Variants in PTPRT observed in about 807,000 individuals in gnomAD.
The protein encoded by PTPRT is protein tyrosine phosphatase receptor type T, also known as receptor-type tyrosine-protein phosphatase T.
PTPRT carries 56 observed loss-of-function variants against 176.8 expected under a neutral mutation model. The observed-to-expected ratio is 0.32, with a 90% confidence interval of 0.26 to 0.40. PTPRT has a LOEUF of 0.40. PTPRT is among the 10% of genes least tolerant of loss of function. The pLI, the probability that PTPRT is intolerant of heterozygous loss-of-function variation, is 1.00. For missense variants in PTPRT, 1,540 were observed against 1,908.2 expected, an observed-to-expected ratio of 0.81 and a Z score of 3.60; for synonymous variants, 783 against 739.0, an observed-to-expected ratio of 1.06 and a Z score of -0.96.
chr20:43,069,250 C>T lies in PTPRT; in HGVS notation c.88+120396G>A, dbSNP rs201935500. 2.4e-4 allele frequency among the ~76,000 whole-genome samples: 37 copies of T among 152,290 alleles called. No homozygotes were observed. The East Asian group carries it at 6.0e-3, about 25-fold the overall frequency. On this transcript the variant is annotated intron_variant, in intron 1 of 30. Coordinates refer to ENST00000373187, the MANE Select transcript of PTPRT (RefSeq NM_007050.6). ...ACACCCAGCATATGCTTGGGTCCCT[C>T]GGTTAACGCGCGCATCCAGCTGGGA...
chr20:42,206,423 G>A (rs898733989), intron 15 of PTPRT, among the ~76,000 whole-genome samples: 9 of 152,298 alleles, frequency 5.9e-5, no homozygotes, highest in East Asian at 1.9e-4. Context: ...CAGTGGGTGC[G>A]CGCACCATGC....
chr20:42,230,964 T>TA (rs2056122172), intron 15 of PTPRT, among the ~76,000 whole-genome samples: 1 of 152,230 alleles, frequency 6.6e-6, no homozygotes, highest in South Asian at 2.1e-4. Flanking sequence ...CCTCTTGCTC[T>TA]AACCCTTTGG....
intron 2 of PTPRT, among the ~76,000 whole-genome samples, chr20:42,826,158 C>A (rs750205158): frequency 6.6e-6 from 1 of 152,036 alleles, no homozygotes; most frequent in Non-Finnish European, 1.5e-5. Flanking sequence ...GGCAAAACCA[C>A]GGGTGATCCA....
intron 1 of PTPRT, among the ~76,000 whole-genome samples, chr20:43,083,355 T>C (rs1353328503): frequency 3.5e-4 from 45 of 127,152 alleles, no homozygotes; most frequent in African/African-American, 7.4e-4. Context: ...TATATATATA[T>C]ATATATATAT....
At chr20:42,178,851 C>T (rs991265178) in intron 16 of PTPRT, among the ~76,000 whole-genome samples, 5 of 152,264 alleles carry the variant, frequency 3.3e-5, no homozygotes, top group South Asian at 2.1e-4. Context: ...GCATCTCCCT[C>T]GATTTCTTGC....
intron 7 of PTPRT, among the ~76,000 whole-genome samples, chr20:42,595,717 G>A (rs2073658534): frequency 6.6e-6 from 1 of 152,162 alleles, no homozygotes; most frequent in Non-Finnish European, 1.5e-5. Flanking sequence ...ATCTTCCAGA[G>A]TTTAGGAACA....
At chr20:42,866,664 T>C (rs996001205) in intron 2 of PTPRT, among the ~76,000 whole-genome samples, 1 of 152,146 alleles carries the variant, frequency 6.6e-6, no homozygotes, top group African/African-American at 2.4e-5. Flanking sequence ...ATCCTTCAAG[T>C]TGTGGCCCCA....
At chr20:42,296,921 T>A (rs559672408) in intron 12 of PTPRT, among the ~76,000 whole-genome samples, 6 of 152,152 alleles carry the variant, frequency 3.9e-5, no homozygotes, top group Non-Finnish European at 8.8e-5. Context: ...TATCAAAATG[T>A]CTCATTTACC....
intron 18 of PTPRT, among the ~76,000 whole-genome samples, chr20:42,131,944 C>T (rs550863605): frequency 1.3e-5 from 2 of 152,226 alleles, no homozygotes; most frequent in African/African-American, 4.8e-5. Flanking sequence ...CTGCAAGGGT[C>T]TCCTGTCCTG....
At chr20:43,020,691 G>A (rs1033174433) in intron 1 of PTPRT, among the ~76,000 whole-genome samples, 22 of 152,126 alleles carry the variant, frequency 1.4e-4, no homozygotes, top group Non-Finnish European at 2.6e-4. Context: ...CCATGCACAC[G>A]TGACATGCAT....
intron 5 of PTPRT, among the ~76,000 whole-genome samples, chr20:42,759,741 T>G (rs181516281): frequency 5.3e-5 from 8 of 152,282 alleles, no homozygotes; most frequent in Non-Finnish European, 1.0e-4. Flanking sequence ...CTCTGAACTT[T>G]TAGGGCATGC....
chr20:42,131,159 G>C (rs6130049), intron 18 of PTPRT, among the ~76,000 whole-genome samples: 41,162 of 152,104 alleles, frequency 0.27, 5,580 homozygotes, highest in African/African-American at 0.28. Flanking sequence ...CAGCTGGAGT[G>C]TGTGCAAACA....
rs565154520 is a variant in PTPRT, at chr20:42,875,264, T to C, written c.214+10543A>G. Among the ~76,000 whole-genome samples, 31 of 152,358 alleles carry C rather than the reference T, an allele frequency of 2.0e-4. 2 individuals are homozygous for C. In the South Asian group the frequency reaches 6.4e-3, roughly 32 times the overall value. On this transcript the variant is annotated intron_variant, in intron 2 of 30. Transcript: ENST00000373187. ...CTTTTCAAAGCCATTGTTAGGACAT[T>C]GTTAGGAAACTTGTTCATAACCATC...
At chr20:42,396,459 A>T (rs1234024775) in intron 9 of PTPRT, among the ~76,000 whole-genome samples, 1 of 152,092 alleles carries the variant, frequency 6.6e-6, no homozygotes, top group East Asian at 1.9e-4. Context: ...TGATCCATTT[A>T]AACAAAAAGC....
intron 1 of PTPRT, among the ~76,000 whole-genome samples, chr20:42,950,461 C>CA (rs1336844909): frequency 3.9e-5 from 6 of 152,148 alleles, no homozygotes; most frequent in Admixed American, 6.5e-5. Context: ...TCCCTTCTCA[C>CA]CTAGCTGCCT....
chr20:42,886,730 G>A (rs1212707816), intron 1 of PTPRT, among the ~76,000 whole-genome samples: 1 of 152,242 alleles, frequency 6.6e-6, no homozygotes, highest in Non-Finnish European at 1.5e-5. Flanking sequence ...GCTCTGAGCT[G>A]TAAGTCCCAT....
intron 9 of PTPRT, among the ~76,000 whole-genome samples, chr20:42,365,050 C>A (rs371929492): frequency 6.6e-6 from 1 of 152,158 alleles, no homozygotes; most frequent in African/African-American, 2.4e-5. Flanking sequence ...GGAAAAAAGG[C>A]AAAGAGAAGC....
At chr20:42,791,731 T>C (rs950651050) in intron 2 of PTPRT, among the ~76,000 whole-genome samples, 20 of 152,274 alleles carry the variant, frequency 1.3e-4, no homozygotes, top group Non-Finnish European at 2.6e-4. Flanking sequence ...TACAACGTGC[T>C]ACTATTGCTA....
intron 1 of PTPRT, among the ~76,000 whole-genome samples, chr20:42,987,434 T>A (rs915784186): frequency 6.6e-6 from 1 of 152,134 alleles, no homozygotes; most frequent in Non-Finnish European, 1.5e-5. Context: ...AGGCAGAAAG[T>A]CCTGTCTGCA....
Sources: allele counts gnomAD v4.1 joint callset (sites outside exome capture counted in the v4.1 genomes callset), GRCh38; gene constraint gnomAD v4.1.1; transcripts MANE v1.5; gene names NCBI Gene and HGNC (gene_info 2026-07-23, HGNC 2026-07-21).